Variants in SFMBT1 observed in about 807,000 individuals in gnomAD.
SFMBT1 encodes scm-like with four MBT domains protein 1.
SFMBT1 carries 32 observed loss-of-function variants against 108.7 expected under a neutral mutation model. The ratio of observed to expected loss-of-function variants is 0.29; its 90% CI spans 0.22 to 0.40. The LOEUF (loss-of-function observed/expected upper bound fraction) is 0.40. Among genes scored for constraint, SFMBT1 ranks in the 10% least tolerant of loss-of-function variants. SFMBT1 has a pLI of 1.00. For synonymous variants in SFMBT1, 348 were observed against 369.5 expected (o/e 0.94, Z 0.67); for missense variants, 816 against 1,059.6 (o/e 0.77, Z 3.19).
chr3:52,982,504 G>A (rs1193145274), intron 1 of SFMBT1, among the ~76,000 whole-genome samples: 3 of 152,014 alleles, frequency 2.0e-5, no homozygotes, highest in East Asian at 3.9e-4. Flanking sequence ...TGAGGCGGGC[G>A]GATCACTTGA....
chr3:52,991,142 T>C (rs1267440394), intron 1 of SFMBT1, among the ~76,000 whole-genome samples: 1 of 152,144 alleles, frequency 6.6e-6, no homozygotes, highest in African/African-American at 2.4e-5. Context: ...GGCTGGTGAC[T>C]CTAAAAGTTA....
At chr3:52,988,052 C>T (rs188233928) in intron 1 of SFMBT1, among the ~76,000 whole-genome samples, 153 of 152,296 alleles carry the variant, frequency 1.0e-3, no homozygotes, top group African/African-American at 3.5e-3. Flanking sequence ...CTTTCCCCAA[C>T]GGAGTAACAG....
chr3:52,922,152 GC>G (rs1032078711), intron 10 of SFMBT1, among the ~76,000 whole-genome samples: 83 of 152,252 alleles, frequency 5.5e-4, no homozygotes, highest in African/African-American at 1.9e-3. Context: ...ATCTGGCTGT[GC>G]TATTACAAGG....
At chr3:52,958,316 C>G (rs1345587779) in intron 2 of SFMBT1, among the ~76,000 whole-genome samples, 1 of 152,214 alleles carries the variant, frequency 6.6e-6, no homozygotes, top group Non-Finnish European at 1.5e-5. Flanking sequence ...ACAGGCTGGG[C>G]AGGGTGGCTC....
At chr3:52,944,871 G>A (rs1041586690) in intron 3 of SFMBT1, among the ~76,000 whole-genome samples, 4 of 151,770 alleles carry the variant, frequency 2.6e-5, no homozygotes, top group African/African-American at 9.7e-5. Context: ...ACACTAAAGT[G>A]CAGTGGTGCA....
chr3:52,943,940 A>G (rs1237901774), intron 3 of SFMBT1, among the ~76,000 whole-genome samples: 1 of 152,216 alleles, frequency 6.6e-6, no homozygotes, highest in African/African-American at 2.4e-5. Flanking sequence ...CCAACAGGAA[A>G]TTTATGATGC....
chr3:52,997,188 T>C (rs1698365614), intron 1 of SFMBT1, among the ~76,000 whole-genome samples: 1 of 150,334 alleles, frequency 6.7e-6, no homozygotes, highest in Non-Finnish European at 1.5e-5. Context: ...AGACTTTACT[T>C]GTGTTCACTG....
intron 5 of SFMBT1, among the ~76,000 whole-genome samples, chr3:52,933,294 G>T (rs1457876453): frequency 1.3e-5 from 2 of 152,134 alleles, no homozygotes; most frequent in Admixed American, 6.6e-5. Flanking sequence ...GTTGTTTCTG[G>T]TTTTTTATTG....
At chr3:52,940,531 A>T (rs998757334) in intron 4 of SFMBT1, among the ~76,000 whole-genome samples, 1 of 152,244 alleles carries the variant, frequency 6.6e-6, no homozygotes. Flanking sequence ...ACTGATAAAC[A>T]TACCTACATA....
chr3:52,999,393 A>T (rs150614332), intron 1 of SFMBT1, among the ~76,000 whole-genome samples: 6 of 150,568 alleles, frequency 4.0e-5, no homozygotes, highest in African/African-American at 1.4e-4. Context: ...CGCCACAGCA[A>T]GTCCTGGACC....
chr3:53,018,866 A>G (rs979885906), intron 1 of SFMBT1: 2 of 152,614 alleles, frequency 1.3e-5, no homozygotes, highest in African/African-American at 2.4e-5. Context: ...TCTTTAGCCA[A>G]TCCTGTCTCC....
chr3:52,996,598 AG>A (rs1457347340), intron 1 of SFMBT1, among the ~76,000 whole-genome samples: 1 of 150,418 alleles, frequency 6.6e-6, no homozygotes, highest in South Asian at 2.1e-4. Flanking sequence ...AAAGATAATT[AG>A]TCACTAGGGA....
chr3:53,041,115 G>A (rs149671709), intron 1 of SFMBT1, among the ~76,000 whole-genome samples: 46 of 150,870 alleles, frequency 3.0e-4, no homozygotes, highest in Admixed American at 1.3e-3. Context: ...AAGTCACTGC[G>A]CCCGGCCTAT....
chr3:52,907,985 C>T (rs1046240632), intron 17 of SFMBT1, among the ~76,000 whole-genome samples: 10 of 152,078 alleles, frequency 6.6e-5, no homozygotes, highest in African/African-American at 2.4e-4. Flanking sequence ...GTACCCCTTA[C>T]TAGAAGCAGC....
At chr3:53,021,204 A>G (rs1699294933) in intron 1 of SFMBT1, among the ~76,000 whole-genome samples, 2 of 152,262 alleles carry the variant, frequency 1.3e-5, no homozygotes. Context: ...GACCAAATTC[A>G]ATTATCACTT....
chr3:52,916,798 A>G (rs1702372379), intron 13 of SFMBT1, among the ~76,000 whole-genome samples: 1 of 152,212 alleles, frequency 6.6e-6, no homozygotes, highest in Non-Finnish European at 1.5e-5. Context: ...GCATTGTGAT[A>G]CTACATGTTC....
At chr3:52,935,687 T>C (rs142068811) in intron 4 of SFMBT1, among the ~76,000 whole-genome samples, 42 of 152,278 alleles carry the variant, frequency 2.8e-4, no homozygotes, top group Non-Finnish European at 4.7e-4. Flanking sequence ...AATTCCTTAA[T>C]ATCAAATATC....
chr3:53,000,523 G>A (rs1698510872), intron 1 of SFMBT1, among the ~76,000 whole-genome samples: 1 of 149,730 alleles, frequency 6.7e-6, no homozygotes, highest in African/African-American at 2.4e-5. Flanking sequence ...GTCTGCAATA[G>A]AGCCTCAAAT....
intron 1 of SFMBT1, among the ~76,000 whole-genome samples, chr3:53,021,803 C>CAAGGGGAAAAGAGAAAAAGCACGCAG: frequency 6.6e-6 from 1 of 152,170 alleles, no homozygotes; most frequent in East Asian, 1.9e-4. Flanking sequence ...AAATCATTTA[C>CAAGGGGAAAAGAGAAAAAGCACGCAG]AAGGGGAAAA....
Sources: allele counts gnomAD v4.1 joint callset (sites outside exome capture counted in the v4.1 genomes callset), GRCh38; gene constraint gnomAD v4.1.1; transcripts MANE v1.5; gene names NCBI Gene and HGNC (gene_info 2026-07-23, HGNC 2026-07-21).